Variants in ANO4 observed in about 807,000 individuals in gnomAD.
The protein encoded by ANO4 is anoctamin 4, also known as anoctamin-4.
Under a neutral mutation model 141.9 loss-of-function variants are expected in ANO4, and 69 were observed. That is an observed-to-expected ratio of 0.49 (90% CI 0.40 to 0.59). The LOEUF (loss-of-function observed/expected upper bound fraction) is 0.59, where lower values mean the gene tolerates loss of function less well. Ranked by LOEUF, ANO4 falls within the 20% of genes least tolerant of loss-of-function variation. The probability of loss-of-function intolerance (pLI) is 0.00; values close to 1 mark genes in which losing one functional copy is unlikely to be tolerated. For synonymous variants in ANO4, 350 were observed against 394.3 expected, an observed-to-expected ratio of 0.89 and a Z score of 1.33; for missense variants, 894 against 1,162.2, an observed-to-expected ratio of 0.77 and a Z score of 3.36.
At chr12:101,006,976 T>C (rs2045898178) in intron 8 of ANO4, among the ~76,000 whole-genome samples, 1 of 152,158 alleles carries the variant, frequency 6.6e-6, no homozygotes, top group Non-Finnish European at 1.5e-5. Flanking sequence ...AAAAAGATGT[T>C]CACAAGATCT....
chr12:100,766,921 T>C (rs2033110341), intron 3 of ANO4, among the ~76,000 whole-genome samples: 1 of 152,214 alleles, frequency 6.6e-6, no homozygotes, highest in Non-Finnish European at 1.5e-5. Context: ...TTTACAATTG[T>C]TGTATCTTCT....
chr12:100,938,575 C>T (rs549321112), intron 3 of ANO4, among the ~76,000 whole-genome samples: 1 of 152,324 alleles, frequency 6.6e-6, no homozygotes, highest in East Asian at 1.9e-4. Flanking sequence ...CAACCCATAT[C>T]TTTCCTCTGC....
intron 14 of ANO4, among the ~76,000 whole-genome samples, chr12:101,050,384 C>T (rs1044047945): frequency 2.0e-5 from 3 of 152,208 alleles, no homozygotes; most frequent in Non-Finnish European, 2.9e-5. Flanking sequence ...AAAGCTTTCA[C>T]TGTTCATGCT....
intron 22 of ANO4, among the ~76,000 whole-genome samples, chr12:101,103,188 T>C (rs2050270491): frequency 6.0e-5 from 1 of 16,580 alleles, no homozygotes; most frequent in Non-Finnish European, 1.3e-4. Flanking sequence ...TCATTTTATA[T>C]ATATATATAT....
At chr12:100,984,970 G>C (rs2136323493) in intron 7 of ANO4, among the ~76,000 whole-genome samples, 1 of 152,142 alleles carries the variant, frequency 6.6e-6, no homozygotes, top group African/African-American at 2.4e-5. Flanking sequence ...GTACCCAGCT[G>C]GATTCAATTC....
intron 3 of ANO4, among the ~76,000 whole-genome samples, chr12:100,771,898 T>G (rs183183067): frequency 6.6e-6 from 1 of 152,266 alleles, no homozygotes; most frequent in African/African-American, 2.4e-5. Flanking sequence ...GTGCACCAAG[T>G]CTGGTGTGGG....
At chr12:100,874,726 G>T (rs1029530308) in intron 1 of ANO4, among the ~76,000 whole-genome samples, 1 of 151,972 alleles carries the variant, frequency 6.6e-6, no homozygotes, top group East Asian at 1.9e-4. Context: ...TGCCATGTTG[G>T]TCAGGCTGGT....
intron 24 of ANO4, among the ~76,000 whole-genome samples, chr12:101,115,865 T>C (rs2050831412): frequency 6.6e-6 from 1 of 152,190 alleles, no homozygotes. Context: ...TCAATATTTA[T>C]GGGATTCCTA....
intron 14 of ANO4, among the ~76,000 whole-genome samples, chr12:101,063,573 A>T (rs1414973139): frequency 1.3e-5 from 2 of 152,006 alleles, no homozygotes; most frequent in African/African-American, 4.8e-5. Context: ...TGTTGGCCTC[A>T]TAAAGTGAGT....
intron 1 of ANO4, among the ~76,000 whole-genome samples, chr12:100,723,281 G>A (rs2030948961): frequency 6.6e-6 from 1 of 152,134 alleles, no homozygotes; most frequent in South Asian, 2.1e-4. Flanking sequence ...AAGTCTGGGT[G>A]GCTTAAACAA....
intron 1 of ANO4, among the ~76,000 whole-genome samples, chr12:100,723,492 G>C (rs1261050370): frequency 2.6e-5 from 4 of 152,026 alleles, no homozygotes; most frequent in African/African-American, 7.2e-5. Context: ...CATCACCGGG[G>C]GCCCATCCTC....
chr12:101,014,485 G>A (rs2046233775), intron 8 of ANO4, among the ~76,000 whole-genome samples: 1 of 152,144 alleles, frequency 6.6e-6, no homozygotes, highest in South Asian at 2.1e-4. Flanking sequence ...GGCCAGCAAG[G>A]TCTTCCTCAT....
At chr12:100,756,127 G>A (rs1306528723) in intron 3 of ANO4, among the ~76,000 whole-genome samples, 1 of 151,906 alleles carries the variant, frequency 6.6e-6, no homozygotes, top group African/African-American at 2.4e-5. Flanking sequence ...AAGTTATATT[G>A]AAGTGCTTTT....
chr12:101,007,690 G>T (rs2045926769), intron 8 of ANO4, among the ~76,000 whole-genome samples: 1 of 152,128 alleles, frequency 6.6e-6, no homozygotes. Flanking sequence ...ATTATTTGGG[G>T]GGGAAAAGAG....
At chr12:100,851,922 G>A (rs1213983063) in intron 1 of ANO4, among the ~76,000 whole-genome samples, 6 of 152,166 alleles carry the variant, frequency 3.9e-5, no homozygotes, top group Admixed American at 3.9e-4. Flanking sequence ...TGTTGGGGGA[G>A]CAGAATGAGT....
chr12:100,993,848 C>T (rs1209929272), intron 8 of ANO4, among the ~76,000 whole-genome samples: 2 of 152,036 alleles, frequency 1.3e-5, no homozygotes, highest in Admixed American at 6.6e-5. Flanking sequence ...GCAGATTTGC[C>T]GAATAAATAA....
rs79001308 is a variant in ANO4, at chr12:100,801,261, C to T, written c.-141+6234C>T. On this transcript the variant is annotated intron_variant, in intron 1 of 27. Coordinates refer to ENST00000392977, the MANE Select transcript of ANO4 (RefSeq NM_001286615.2). ...GAATCACCATCTAAAACCTATGGTG[C>T]TGTCATTGGCAGCTTCTGCTCTATG... is the stretch of plus-strand genomic sequence containing the variant. Among the ~76,000 whole-genome samples, 1,068 of 152,300 alleles carry T rather than the reference C, an allele frequency of 7.0e-3. 11 individuals are homozygous for T. Among genetic ancestry groups the T allele is most frequent in the Non-Finnish European group, 0.011 (780 of 68,022 alleles).
intron 6 of ANO4, among the ~76,000 whole-genome samples, chr12:100,973,473 G>T (rs2136280218): frequency 6.6e-6 from 1 of 152,278 alleles, no homozygotes; most frequent in African/African-American, 2.4e-5. Context: ...TATAGGAATA[G>T]ATTTCTTATG....
chr12:101,039,605 A>G (rs1393372680), intron 10 of ANO4, among the ~76,000 whole-genome samples: 1 of 152,222 alleles, frequency 6.6e-6, no homozygotes, highest in East Asian at 1.9e-4. Context: ...CAAACCACAT[A>G]AGAAACCAAA....
Sources: allele counts gnomAD v4.1 joint callset (sites outside exome capture counted in the v4.1 genomes callset), GRCh38; gene constraint gnomAD v4.1.1; transcripts MANE v1.5; gene names NCBI Gene and HGNC (gene_info 2026-07-23, HGNC 2026-07-21).